Variants in ANAPC7 observed in about 807,000 individuals in gnomAD.
ANAPC7 encodes the protein anaphase promoting complex subunit 7.
Under a neutral mutation model 63.3 loss-of-function variants are expected in ANAPC7, and 25 were observed. The observed-to-expected ratio is 0.39, with a 90% CI of 0.29 to 0.55. The LOEUF (loss-of-function observed/expected upper bound fraction) is 0.55. ANAPC7 is among the 20% of genes least tolerant of loss of function. The pLI, the probability that ANAPC7 is intolerant of heterozygous loss-of-function variation, is 0.57. For synonymous variants in ANAPC7, 241 were observed against 251.7 expected (o/e 0.96, Z 0.40); for missense variants, 516 against 691.7 (o/e 0.75, Z 2.85).
intron 6 of ANAPC7, among the ~76,000 whole-genome samples, chr12:110,383,875 C>CAAAAAAAAAAAAAAAA (rs1159374781): frequency 5.9e-5 from 3 of 50,678 alleles, no homozygotes; most frequent in South Asian, 8.6e-4. Context: ...GACTCCGTCT[C>CAAAAAAAAAAAAAAAA]AAAAAAAAAA....
chr12:110,391,046 C>A (rs1291154169), intron 3 of ANAPC7, among the ~76,000 whole-genome samples: 8 of 151,992 alleles, frequency 5.3e-5, no homozygotes, highest in Non-Finnish European at 1.2e-4. Flanking sequence ...AAAAATTAGG[C>A]AGGTGCAGCG....
At chr12:110,394,275 G>C (rs956257518) in intron 3 of ANAPC7, among the ~76,000 whole-genome samples, 8 of 151,880 alleles carry the variant, frequency 5.3e-5, no homozygotes, top group Non-Finnish European at 1.2e-4. Flanking sequence ...AGGACAGTTT[G>C]AGCCCAGGAG....
In ANAPC7 at chr12:110,381,954, G is replaced by GAAAAAAAA. The variant is rs35699984; in HGVS notation, c.936-14_936-7dup. ...TGCTATAGAAGCTGTGACAGCTGGA[G>GAAAAAAAA]AAAAAAAAAAAAAAAAAAACACAAA... On this transcript the variant is annotated splice_polypyrimidine_tract_variant and splice_region_variant and intron_variant, in intron 7 of 10. Transcript: ENST00000455511. The GAAAAAAAA allele has an allele frequency of 4.2e-4, 406 of 976,816 alleles. No individual in the cohort carries two copies. Among genetic ancestry groups the GAAAAAAAA allele is most frequent in the South Asian group, 2.2e-3 (108 of 49,300 alleles). 60.5% of individuals were successfully genotyped at this position (976,816 alleles called of 1,614,324 possible). A position where few individuals can be genotyped will look rare whatever the true frequency, so the allele number is the denominator to read the frequency against.
chr12:110,377,131 C>A (rs1255457764), intron 9 of ANAPC7, among the ~76,000 whole-genome samples: 1 of 136,054 alleles, frequency 7.4e-6, no homozygotes, highest in Non-Finnish European at 1.6e-5. Context: ...AGCAAGATGC[C>A]GTCTCAAAAA....
At chr12:110,376,665 A>C (rs546240887) in intron 9 of ANAPC7, among the ~76,000 whole-genome samples, 4 of 151,786 alleles carry the variant, frequency 2.6e-5, no homozygotes, top group African/African-American at 9.7e-5. Context: ...AACTAGCCCA[A>C]ATTCAATGAA....
intron 3 of ANAPC7, among the ~76,000 whole-genome samples, chr12:110,392,358 A>G (rs1883171949): frequency 6.7e-6 from 1 of 150,048 alleles, no homozygotes; most frequent in Admixed American, 6.6e-5. Context: ...ATAATACCTT[A>G]ATATGAGGAG....
At chr12:110,386,185 T>TA in intron 6 of ANAPC7, 142 bp downstream of exon 6, 1 of 1,259,652 alleles carries the variant, frequency 7.9e-7, no homozygotes, top group Non-Finnish European at 1.1e-6. Flanking sequence ...TGTCATGACC[T>TA]AAAAAAAGTA....
chr12:110,376,285 T>G lies in ANAPC7; in HGVS notation c.1358-69A>C. ...AACCACAACTACCATTCTGACCATCTCTTTGCAGACATCCTCAAGAGAACA... is the reference window on the plus strand; with the variant it reads ...AACCACAACTACCATTCTGACCATCGCTTTGCAGACATCCTCAAGAGAACA... On this transcript the variant is annotated intron_variant, in intron 9 of 10. Coordinates refer to ENST00000455511, the MANE Select transcript of ANAPC7 (RefSeq NM_016238.3). 4.5e-6 allele frequency: 7 copies of G among 1,563,582 alleles called. No homozygotes were observed. The South Asian group carries it at 8.1e-5, about 18-fold the overall frequency.
intron 3 of ANAPC7, 113 bp downstream of exon 3, chr12:110,394,988 A>G (rs2137979235): frequency 1.5e-6 from 2 of 1,310,146 alleles, no homozygotes; most frequent in Middle Eastern, 2.7e-4. Context: ...GAAAATGAGA[A>G]TTAGAATCAT....
At chr12:110,381,125 A>C (rs1418462580) in intron 8 of ANAPC7, among the ~76,000 whole-genome samples, 2 of 151,936 alleles carry the variant, frequency 1.3e-5, no homozygotes, top group African/African-American at 2.4e-5. Context: ...GAAAAAATGG[A>C]TTATGAAAGT....
intron 1 of ANAPC7, among the ~76,000 whole-genome samples, chr12:110,403,037 C>T (rs1447419770): frequency 1.3e-5 from 2 of 152,202 alleles, no homozygotes; most frequent in African/African-American, 2.4e-5. Context: ...CCACCGCGCC[C>T]GGCCCCGTTT....
chr12:110,398,434 T>G (rs1019328081), intron 1 of ANAPC7, among the ~76,000 whole-genome samples: 1 of 149,406 alleles, frequency 6.7e-6, no homozygotes, highest in African/African-American at 2.5e-5. Flanking sequence ...AAAAAAAAAG[T>G]AAACTTCACT....
chr12:110,374,820 T>C (rs1414603055), intron 10 of ANAPC7, among the ~76,000 whole-genome samples: 2 of 152,162 alleles, frequency 1.3e-5, no homozygotes, highest in Admixed American at 6.5e-5. Context: ...CGCTGTACCA[T>C]GGAACAGACT....
chr12:110,395,090 A>G lies in ANAPC7; in HGVS notation c.408+11T>C, dbSNP rs756023368. The G allele has an allele frequency of 1.9e-5, 31 of 1,611,098 alleles. No homozygotes were observed. The highest frequency in any genetic ancestry group is 2.6e-5 in the Non-Finnish European group (31 of 1,178,948). ...GAGCTGAGGAGAAAAACACATAAACATTCAACTTACTTTGGGAGTTCTTTG... is the reference window on the plus strand; with the variant it reads ...GAGCTGAGGAGAAAAACACATAAACGTTCAACTTACTTTGGGAGTTCTTTG... On this transcript the variant is annotated intron_variant, in intron 3 of 10. Coordinates refer to ENST00000455511, the MANE Select transcript of ANAPC7 (RefSeq NM_016238.3).
intron 8 of ANAPC7, chr12:110,378,173 C>A (rs1355727521): frequency 6.5e-6 from 1 of 154,426 alleles, no homozygotes; most frequent in Non-Finnish European, 1.4e-5. Flanking sequence ...CGGCTCACTG[C>A]AATCTCCGCC....
chr12:110,382,459 A>ATATATATATATATATGTATATAT (rs1229764014), intron 7 of ANAPC7, among the ~76,000 whole-genome samples: 1 of 51,966 alleles, frequency 1.9e-5, no homozygotes, highest in African/African-American at 8.2e-5. Flanking sequence ...AAAAAAAAAA[A>ATATATATATATATATGTATATAT]AAATATATAT....
intron 6 of ANAPC7, among the ~76,000 whole-genome samples, chr12:110,383,888 AAAAAAAAAAAG>A (rs542875476): frequency 1.1e-3 from 143 of 131,998 alleles, no homozygotes; most frequent in African/African-American, 2.4e-3. Flanking sequence ...AAAAAAAAAA[AAAAAAAAAAAG>A]AAAAAAAAAA....
At chr12:110,390,710 G>A (rs1442309607) in intron 3 of ANAPC7, among the ~76,000 whole-genome samples, 2 of 152,016 alleles carry the variant, frequency 1.3e-5, no homozygotes, top group Non-Finnish European at 2.9e-5. Flanking sequence ...ATACTTAAAA[G>A]GAAAACTCCA....
In ANAPC7 at chr12:110,375,963, C is replaced by T. The variant is rs1484584428; in HGVS notation, c.1508+103G>A. The T allele has an allele frequency of 2.1e-6, 3 of 1,410,010 alleles. No individual in the cohort carries two copies. In the East Asian group the frequency reaches 7.4e-5, roughly 35 times the overall value. The allele number at this position is 1,410,010 out of a possible 1,614,324, so 87.3% of individuals were successfully genotyped here. A position where few individuals can be genotyped will look rare whatever the true frequency, so the allele number is the denominator to read the frequency against. The stretch of plus-strand genomic sequence containing the variant: ...TTACTATTATTATTCTGCTTTCAAC[C>T]ATGGACACAAAGTGTGTGTGTGTTT... On this transcript the variant is annotated intron_variant, in intron 10 of 10. Coordinates refer to ENST00000455511, the MANE Select transcript of ANAPC7 (RefSeq NM_016238.3).
Sources: gnomAD v4.1 joint callset for allele counts (sites outside exome capture counted in the v4.1 genomes callset) on GRCh38, gnomAD v4.1.1 for gene constraint, MANE v1.5 for transcripts, NCBI Gene and HGNC (gene_info 2026-07-23, HGNC 2026-07-21) for gene names.